Variants in UNC80 observed in about 807,000 individuals in gnomAD.
UNC80 encodes the protein unc-80 subunit of NALCN channel complex.
A neutral mutation model predicts 384.6 loss-of-function variants in UNC80; 164 were observed. The observed-to-expected ratio is 0.43, with a 90% confidence interval of 0.38 to 0.49. The LOEUF is 0.49. UNC80 is among the 20% of genes least tolerant of loss of function. UNC80 has a pLI of 0.00. For synonymous variants in UNC80, 1,486 were observed against 1,527.8 expected (o/e 0.97, Z 0.64); for missense variants, 3,330 against 4,143.0 (o/e 0.80, Z 5.39).
chr2:209,834,925 A>T lies in UNC80; in HGVS notation c.2956A>T (p.Ser986Cys). 1 of 1,550,244 alleles carries T rather than the reference A, an allele frequency of 6.5e-7. No individual in the cohort carries two copies. The highest frequency in any genetic ancestry group is 8.7e-7 in the Non-Finnish European group (1 of 1,145,916). ...PAGSKRSEAG[S>C]IVDKGQVSSA... ...CCATTTGCATAGGTCAGAGGCGGGA[A>T]GCATTGTGGATAAAGGCCAGGTATC... The change falls in exon 18 of 65, where the codon AGC becomes TGC. Residue 986 changes from serine to cysteine, a missense_variant. Coordinates refer to ENST00000673920, the MANE Select transcript of UNC80 (RefSeq NM_001371986.1).
intron 23 of UNC80, among the ~76,000 whole-genome samples, chr2:209,877,290 T>C (rs1191231451): frequency 6.6e-6 from 1 of 152,172 alleles, no homozygotes; most frequent in Non-Finnish European, 1.5e-5. Context: ...ATAGCAAGGA[T>C]GTTAGTTCTA....
Position 209,930,040 on chromosome 2 carries a change from G to T in UNC80, c.5907+69G>T, listed in dbSNP as rs1490851584. On this transcript the variant is annotated intron_variant, in intron 37 of 64. Transcript: ENST00000673920. ...GTGAACACTGTTAAAATCATGCAAA[G>T]AACTTTATAGTGCAGTGCATGCAAC... 8.5e-6 allele frequency: 9 copies of T among 1,053,704 alleles called. No homozygotes were observed. The Middle Eastern group carries it at 6.2e-4, about 72-fold the overall frequency. 65.3% of individuals were successfully genotyped at this position (1,053,704 alleles called of 1,614,324 possible).
intron 22 of UNC80, among the ~76,000 whole-genome samples, chr2:209,863,418 G>A (rs1012780722): frequency 5.3e-5 from 8 of 152,082 alleles, no homozygotes; most frequent in East Asian, 1.9e-4. Context: ...CATAATATCC[G>A]GAAGTGTGTT....
chr2:209,795,046 G>A (rs903349399), intron 7 of UNC80: 2 of 214,720 alleles, frequency 9.3e-6, no homozygotes, highest in Non-Finnish European at 1.9e-5. Flanking sequence ...ACAGGGAAGT[G>A]TGGAAAAGTT....
At chr2:209,778,522 A>G (rs1036812051) in intron 4 of UNC80, among the ~76,000 whole-genome samples, 9 of 152,252 alleles carry the variant, frequency 5.9e-5, no homozygotes, top group African/African-American at 1.7e-4. Flanking sequence ...ATAGGATTAC[A>G]TGGAAACCAG....
intron 21 of UNC80, among the ~76,000 whole-genome samples, chr2:209,844,078 A>G (rs1347305159): frequency 6.6e-6 from 1 of 152,106 alleles, no homozygotes; most frequent in Non-Finnish European, 1.5e-5. Context: ...TAACCAGGAC[A>G]TTTGTCATTT....
intron 48 of UNC80, among the ~76,000 whole-genome samples, chr2:209,954,632 A>C (rs950875985): frequency 2.0e-5 from 3 of 152,208 alleles, no homozygotes; most frequent in Admixed American, 6.5e-5. Context: ...CATTTTTATT[A>C]GTTATTATAG....
chr2:209,913,854 T>G lies in UNC80; in HGVS notation c.4943T>G (p.Ile1648Ser). 6.4e-7 allele frequency: 1 copy of G among 1,551,486 alleles called. No homozygotes were observed. Among genetic ancestry groups the G allele is most frequent in the Non-Finnish European group, 8.7e-7 (1 of 1,146,790 alleles). Residue 1648 changes from isoleucine (I) to serine (S), a missense_variant, in exon 31 of 65, where the codon ATT (isoleucine) becomes AGT (serine). Physicochemically the swap from Ile to Ser is moderately radical, Grantham distance 142. This residue lies in a region of UNC80 where 801 missense variants were observed against 950.8 expected (regional missense o/e 0.84). Transcript: ENST00000673920. ...PLSLLIKAAPILTEEMYGDIQ... is the reference protein window; with the variant it reads ...PLSLLIKAAPSLTEEMYGDIQ... ...TCTCTGTTAATCAAGGCAGCACCAATTCTGACAGAGGAGATGTACGGAGAC... is the reference window on the plus strand; with the variant it reads ...TCTCTGTTAATCAAGGCAGCACCAAGTCTGACAGAGGAGATGTACGGAGAC...
At chr2:209,866,413 A>C (rs141674178) in intron 22 of UNC80, among the ~76,000 whole-genome samples, 1 of 150,958 alleles carries the variant, frequency 6.6e-6, no homozygotes, top group African/African-American at 2.4e-5. Context: ...GTCTGGAGGA[A>C]TTTTCAGTTG....
At chr2:209,979,196 C>T (rs1385527422) in intron 59 of UNC80, among the ~76,000 whole-genome samples, 1 of 152,184 alleles carries the variant, frequency 6.6e-6, no homozygotes, top group Admixed American at 6.5e-5. Context: ...TTGCAGTGAG[C>T]CAAGATCGCG....
intron 7 of UNC80, chr2:209,796,338 T>C (rs1010980943): frequency 6.6e-6 from 1 of 152,264 alleles, no homozygotes; most frequent in Non-Finnish European, 1.5e-5. Context: ...TGCTTTTGAT[T>C]TTACAGGCTC....
In UNC80 at chr2:209,817,942, C is replaced by T. The variant is rs1179865732; in HGVS notation, c.1683C>T (p.Thr561=). The T allele has an allele frequency of 1.0e-5, 16 of 1,551,424 alleles. No homozygotes were observed. Among genetic ancestry groups the T allele is most frequent in the East Asian group, 4.9e-5 (2 of 40,922 alleles). ...PDPSNSHGEN[T]VKEVRSQIST... ...CCTCCAACAGCCATGGAGAAAACAC[C>T]GTCAAGGAAGGTGGGTAGGAGGTGG... is the stretch of plus-strand genomic sequence containing the variant. Residue 561 remains threonine (T), a synonymous_variant, in exon 11 of 65, where the codon ACC becomes ACT. Transcript: ENST00000673920.
At chr2:209,967,350 G>T in intron 51 of UNC80, 87 bp from the exon 52 acceptor site, 1 of 991,630 alleles carries the variant, frequency 1.0e-6, no homozygotes, top group South Asian at 2.8e-5. Context: ...TGGAAGGGGT[G>T]ATTAACATGT....
chr2:209,927,253 A>G (rs1456139344), intron 36 of UNC80, among the ~76,000 whole-genome samples: 2 of 152,204 alleles, frequency 1.3e-5, no homozygotes, highest in Non-Finnish European at 2.9e-5. Flanking sequence ...ACAGAACAAC[A>G]CAATAATTAT....
At chr2:209,911,646 T>C (rs2088956448) in intron 29 of UNC80, among the ~76,000 whole-genome samples, 1 of 152,226 alleles carries the variant, frequency 6.6e-6, no homozygotes, top group African/African-American at 2.4e-5. Context: ...AAGTTCAGTT[T>C]TTTTTCCCTT....
intron 1 of UNC80, 21 bp from the exon 2 acceptor site, chr2:209,773,073 A>G: frequency 6.3e-7 from 1 of 1,589,570 alleles, no homozygotes; most frequent in East Asian, 2.2e-5. Flanking sequence ...TTATTAACAA[A>G]TATCTCTATT....
intron 47 of UNC80, among the ~76,000 whole-genome samples, chr2:209,947,390 CATTTCAA>C (rs1251429172): frequency 6.6e-6 from 1 of 152,162 alleles, no homozygotes; most frequent in African/African-American, 2.4e-5. Flanking sequence ...AAAGTTCTCC[CATTTCAA>C]ATTTTACCAA....
At chr2:209,798,591 G>C (rs1324158087) in intron 7 of UNC80, among the ~76,000 whole-genome samples, 2 of 152,138 alleles carry the variant, frequency 1.3e-5, no homozygotes, top group Admixed American at 1.3e-4. Flanking sequence ...AAGTCAGATA[G>C]TGTGATGCCT....
rs953867890 is a variant in UNC80 at position 209,904,621 on chromosome 2, C to T, written c.4582-144C>T. 9 of 709,808 alleles carry T rather than the reference C, an allele frequency of 1.3e-5. No homozygotes were observed. In the African/African-American group the frequency reaches 1.6e-4, roughly 12 times the overall value. 44.0% of individuals were successfully genotyped at this position (709,808 alleles called of 1,614,324 possible). On this transcript the variant is annotated intron_variant, in intron 28 of 64. Transcript: ENST00000673920. ...TGTGGATAAAGAACCCTTTGTCCTC[C>T]TTTGGGAATTATTGGACCATTGCGA...
Sources: gnomAD v4.1 joint callset for allele counts (sites outside exome capture counted in the v4.1 genomes callset) on GRCh38, gnomAD v4.1.1 for gene constraint, gnomAD v4.1.1 regional missense constraint, MANE v1.5 for transcripts, NCBI Gene and HGNC (gene_info 2026-07-23, HGNC 2026-07-21) for gene names.